LINGO2: variants seen among roughly 807,000 people sequenced by gnomAD.
LINGO2 encodes leucine rich repeat and Ig domain containing 2.
Under a neutral mutation model 30.6 loss-of-function variants are expected in LINGO2, and 14 were observed. That is an observed-to-expected ratio of 0.46 (90% CI 0.30 to 0.72). The LOEUF (loss-of-function observed/expected upper bound fraction) is 0.72, where lower values mean the gene tolerates loss of function less well. LINGO2 is among the 30% of genes least tolerant of loss of function. LINGO2 has a pLI of 0.07. For missense variants in LINGO2, 729 were observed against 751.7 expected, an observed-to-expected ratio of 0.97 and a Z score of 0.35; for synonymous variants, 317 against 288.5, an observed-to-expected ratio of 1.10 and a Z score of -1.00.
At chr9:28,174,457 CCT>C (rs766139082) in intron 4 of LINGO2, among the ~76,000 whole-genome samples, 1 of 151,938 alleles carries the variant, frequency 6.6e-6, no homozygotes, top group Non-Finnish European at 1.5e-5. Context: ...TAAGTCTCTC[CCT>C]CTCTCTCCCT....
chr9:28,316,318 TA>T (rs11306031), intron 3 of LINGO2, among the ~76,000 whole-genome samples: 3,014 of 151,986 alleles, frequency 0.02, 84 homozygotes, highest in Admixed American at 0.081. Flanking sequence ...CTTATCAAAA[TA>T]AAAAAACGGA....
At chr9:28,290,184 T>C (rs1241644998) in intron 4 of LINGO2, among the ~76,000 whole-genome samples, 1 of 152,236 alleles carries the variant, frequency 6.6e-6, no homozygotes, top group East Asian at 1.9e-4. Context: ...ATATGACAAC[T>C]GAACCCAAGT....
chr9:28,924,137 T>A, the LINGO2 span, among the ~76,000 whole-genome samples: 1 of 152,244 alleles, frequency 6.6e-6, no homozygotes, highest in Non-Finnish European at 1.5e-5. Flanking sequence ...TACTATACTT[T>A]AACTCCCCTG....
chr9:28,198,194 C>G (rs1209377045), intron 4 of LINGO2, among the ~76,000 whole-genome samples: 3 of 149,508 alleles, frequency 2.0e-5, no homozygotes, highest in Non-Finnish European at 4.4e-5. Context: ...TAAGTTGACT[C>G]TAAGTTACAA....
chr9:28,262,205 T>A (rs544918662), intron 4 of LINGO2, among the ~76,000 whole-genome samples: 15 of 151,938 alleles, frequency 9.9e-5, no homozygotes, highest in Non-Finnish European at 1.6e-4. Flanking sequence ...TGAGAAATAA[T>A]TAAGACGATG....
chr9:28,588,817 A>G (rs1203113168), intron 1 of LINGO2, among the ~76,000 whole-genome samples: 1 of 152,074 alleles, frequency 6.6e-6, no homozygotes, highest in African/African-American at 2.4e-5. Context: ...CAGCATTTCA[A>G]GAACTTGTGG....
At chr9:27,971,749 G>T (rs902413149) in intron 5 of LINGO2, among the ~76,000 whole-genome samples, 4 of 152,074 alleles carry the variant, frequency 2.6e-5, no homozygotes, top group African/African-American at 9.7e-5. Context: ...TTTAATCAAG[G>T]ATAAGTCAGG....
intron 4 of LINGO2, among the ~76,000 whole-genome samples, chr9:28,081,311 C>G (rs941118148): frequency 2.7e-5 from 4 of 150,046 alleles, no homozygotes; most frequent in Non-Finnish European, 5.9e-5. Flanking sequence ...AAAAAAAGTT[C>G]ACATTCACAT....
At chr9:28,411,726 C>T (rs1465876632) in intron 2 of LINGO2, among the ~76,000 whole-genome samples, 1 of 152,036 alleles carries the variant, frequency 6.6e-6, no homozygotes, top group East Asian at 1.9e-4. Flanking sequence ...CTGCTATGAA[C>T]ATGGGTATAC....
chr9:28,897,567 G>A, the LINGO2 span, among the ~76,000 whole-genome samples: 6 of 152,012 alleles, frequency 3.9e-5, no homozygotes, highest in Admixed American at 3.9e-4. Context: ...AGTAAGGACT[G>A]GTAAAATATG....
chr9:28,688,141 T>A, the LINGO2 span, among the ~76,000 whole-genome samples: 1 of 152,190 alleles, frequency 6.6e-6, no homozygotes, highest in Non-Finnish European at 1.5e-5. Context: ...ACAGAGTTGC[T>A]GCAGGCTACA....
At chr9:28,805,912 T>C in the LINGO2 span, among the ~76,000 whole-genome samples, 9 of 152,138 alleles carry the variant, frequency 5.9e-5, no homozygotes, top group Admixed American at 1.3e-4. Flanking sequence ...CATTTTCTCA[T>C]ATTATTCTAT....
chr9:28,898,328 A>C, the LINGO2 span, among the ~76,000 whole-genome samples: 1 of 152,186 alleles, frequency 6.6e-6, no homozygotes, highest in Non-Finnish European at 1.5e-5. Context: ...TTTCTAGAAA[A>C]GATATTCAAT....
At chr9:28,817,766 T>A in the LINGO2 span, among the ~76,000 whole-genome samples, 1 of 152,084 alleles carries the variant, frequency 6.6e-6, no homozygotes, top group Non-Finnish European at 1.5e-5. Flanking sequence ...AGGAGGGCAA[T>A]GTATTTTGGG....
chr9:28,051,001 G>A (rs1824646443), intron 4 of LINGO2, among the ~76,000 whole-genome samples: 1 of 150,922 alleles, frequency 6.6e-6, no homozygotes, highest in Non-Finnish European at 1.5e-5. Flanking sequence ...GAAATACAAG[G>A]ATGGTTGAAA....
rs149440796 is a variant in LINGO2 at position 28,224,190 on chromosome 9, G to A, written c.-87+71018C>T. Among the ~76,000 whole-genome samples, 671 of 152,148 alleles carry A rather than the reference G, an allele frequency of 4.4e-3. 1 individual carries two copies. The highest frequency in any genetic ancestry group is 0.015 in the African/African-American group (622 of 41,518). Reference sequence around the variant, plus strand: ...CACCATTCTCCTGCCTCAGCCTCCCGAGTAGCTGGGACTACAGGTGCCCGC... The same window carrying A: ...CACCATTCTCCTGCCTCAGCCTCCCAAGTAGCTGGGACTACAGGTGCCCGC... On this transcript the variant is annotated intron_variant, in intron 4 of 5. Coordinates refer to ENST00000379992, the Ensembl canonical transcript of LINGO2.
At chr9:29,115,498 G>C in the LINGO2 span, among the ~76,000 whole-genome samples, 1 of 151,620 alleles carries the variant, frequency 6.6e-6, no homozygotes, top group Admixed American at 6.6e-5. Context: ...AACATAATGT[G>C]GTGTCTCCCA....
chr9:28,805,967 C>T, the LINGO2 span, among the ~76,000 whole-genome samples: 22 of 151,892 alleles, frequency 1.4e-4, no homozygotes, highest in African/African-American at 5.3e-4. Context: ...TATAAAATAT[C>T]CTTGAAAATT....
intron 4 of LINGO2, among the ~76,000 whole-genome samples, chr9:28,205,049 T>G (rs1258406231): frequency 6.6e-6 from 1 of 152,116 alleles, no homozygotes; most frequent in Non-Finnish European, 1.5e-5. Context: ...AATTCAGAAA[T>G]ATGTGTTGAG....
Sources: gnomAD v4.1 joint callset for allele counts (sites outside exome capture counted in the v4.1 genomes callset) on GRCh38, gnomAD v4.1.1 for gene constraint, MANE v1.5 for transcripts, NCBI Gene and HGNC (gene_info 2026-07-23, HGNC 2026-07-21) for gene names.